The following ANKHD1 variants were observed in gnomAD, a reference collection of about 807,000 sequenced individuals.
ANKHD1 encodes the protein ankyrin repeat and KH domain containing 1.
Under a neutral mutation model 230.5 loss-of-function variants are expected in ANKHD1, and 31 were observed. The observed-to-expected ratio is 0.13, with a 90% CI of 0.10 to 0.18. The LOEUF is 0.18. Among genes scored for constraint, ANKHD1 ranks in the 10% least tolerant of loss-of-function variants. The pLI is 1.00. For missense variants in ANKHD1, 2,256 were observed against 3,071.3 expected (o/e 0.73, Z 6.27); for synonymous variants, 1,074 against 1,117.6 (o/e 0.96, Z 0.78).
chr5:140,476,807 TAAAA>T (rs1460935278), intron 10 of ANKHD1, among the ~76,000 whole-genome samples: 1 of 152,126 alleles, frequency 6.6e-6, no homozygotes, highest in African/African-American at 2.4e-5. Context: ...TGTTTGAGTT[TAAAA>T]ACCTAAATTT....
intron 9 of ANKHD1, among the ~76,000 whole-genome samples, chr5:140,462,591 G>C (rs1273999761): frequency 6.6e-6 from 1 of 151,824 alleles, no homozygotes; most frequent in Non-Finnish European, 1.5e-5. Context: ...CAGGCGTGGT[G>C]GTGGACGCCT....
chr5:140,434,733 T>C (rs189498577), intron 1 of ANKHD1, among the ~76,000 whole-genome samples: 1 of 152,234 alleles, frequency 6.6e-6, no homozygotes, highest in African/African-American at 2.4e-5. Context: ...ACAAAAACAT[T>C]GTTTTTAATG....
chr5:140,493,321 T>C lies in ANKHD1; in HGVS notation c.2246-3199T>C, dbSNP rs781526095. 2.7e-4 allele frequency among the ~76,000 whole-genome samples: 41 copies of C among 152,274 alleles called. 1 individual carries two copies. Among genetic ancestry groups the C allele is most frequent in the Admixed American group, 1.2e-3 (18 of 15,286 alleles). ...CTCAGGTGATCCACCCGTCTTGGCC[T>C]CCCAAAGTGCTGGGATTACAGGTGT... On this transcript the variant is annotated intron_variant, in intron 14 of 33. Transcript: ENST00000360839.
chr5:140,428,255 A>G (rs370920780), intron 1 of ANKHD1, among the ~76,000 whole-genome samples: 9 of 152,180 alleles, frequency 5.9e-5, no homozygotes, highest in African/African-American at 2.2e-4. Flanking sequence ...AGAGGCTGCA[A>G]TCTCGGCACT....
Position 140,446,123 on chromosome 5 carries a change from ATTT to A in ANKHD1, c.1147+150_1147+152del, listed in dbSNP as rs1774259227. On this transcript the variant is annotated intron_variant, in intron 6 of 33. Transcript: ENST00000360839. Reference sequence around the variant, plus strand: ...TTATAAGAAATTATATAGAAAGTCTATTTTAGTCTATATTGCCTGTAATATAGT... The same window carrying A: ...TTATAAGAAATTATATAGAAAGTCTATAGTCTATATTGCCTGTAATATAGT... 10 of 772,774 alleles carry A rather than the reference ATTT, an allele frequency of 1.3e-5. No individual in the cohort carries two copies. In the East Asian group the frequency reaches 2.8e-4, roughly 22 times the overall value. The allele number at this position is 772,774 out of a possible 1,614,324, so 47.9% of individuals were successfully genotyped here.
In ANKHD1 at chr5:140,529,827, T is replaced by G. The variant is rs772393153; in HGVS notation, c.6850+31T>G. On this transcript the variant is annotated intron_variant, in intron 29 of 33. Coordinates refer to ENST00000360839, the MANE Select transcript of ANKHD1 (RefSeq NM_017747.3). ...TTATTAACTATTGCTGCAGTTGAGT[T>G]TGGAGCTCCTATGGCCTAATCTCAC... 6.9e-6 allele frequency: 11 copies of G among 1,605,232 alleles called. No homozygotes were observed. The South Asian group carries it at 1.2e-4, about 18-fold the overall frequency.
chr5:140,457,419 G>A (rs1019130556), intron 7 of ANKHD1, among the ~76,000 whole-genome samples: 1 of 152,122 alleles, frequency 6.6e-6, no homozygotes, highest in African/African-American at 2.4e-5. Flanking sequence ...GTTTATTGCG[G>A]CACTATTCAC....
rs1433312087 is a variant in ANKHD1 at position 140,537,379 on chromosome 5, C to T, written c.7028-10C>T. On this transcript the variant is annotated splice_polypyrimidine_tract_variant and intron_variant, in intron 30 of 33. Transcript: ENST00000360839. Reference sequence around the variant, plus strand: ...ATCTGTTTCTTCGGGATCATCTTCACCTCTTTCAGCCACTTCTGCCCCACC... The same window carrying T: ...ATCTGTTTCTTCGGGATCATCTTCATCTCTTTCAGCCACTTCTGCCCCACC... 1.2e-6 allele frequency: 2 copies of T among 1,613,590 alleles called. No individual in the cohort carries two copies. Among genetic ancestry groups the T allele is most frequent in the Non-Finnish European group, 1.7e-6 (2 of 1,179,796 alleles).
chr5:140,497,623 A>G (rs1418776238), intron 15 of ANKHD1, among the ~76,000 whole-genome samples: 1 of 152,206 alleles, frequency 6.6e-6, no homozygotes, highest in East Asian at 1.9e-4. Context: ...TTCGTATAAG[A>G]TTATACTTAA....
rs933436729 is a variant in ANKHD1 at position 140,485,266 on chromosome 5, A to G, written c.1998+18A>G. The G allele has an allele frequency of 3.1e-6, 5 of 1,603,924 alleles. No individual in the cohort carries two copies. Among genetic ancestry groups the G allele is most frequent in the Non-Finnish European group, 4.3e-6 (5 of 1,172,480 alleles). ...GACTCAAGGTAGTCTACTTAAAAAT[A>G]AGTAAACAGGCTGTGTGCGGTGGCT... On this transcript the variant is annotated intron_variant, in intron 12 of 33. Transcript: ENST00000360839. This position sits in a 1 kb window ranked among gnomAD's most constrained non-coding sequence, Gnocchi z 4.8.
chr5:140,425,372 C>T (rs1409183195), intron 1 of ANKHD1, among the ~76,000 whole-genome samples: 1 of 151,988 alleles, frequency 6.6e-6, no homozygotes, highest in Non-Finnish European at 1.5e-5. Context: ...ATGATCCTGC[C>T]GCCTCAGCCT....
intron 24 of ANKHD1, among the ~76,000 whole-genome samples, chr5:140,519,055 AT>A (rs1249418730): frequency 6.6e-6 from 1 of 152,216 alleles, no homozygotes; most frequent in East Asian, 1.9e-4. Context: ...TCAGCCCAAA[AT>A]CTCCTTAAGC....
intron 5 of ANKHD1, 143 bp downstream of exon 5, chr5:140,441,285 C>A: frequency 8.5e-7 from 1 of 1,178,286 alleles, no homozygotes; most frequent in Non-Finnish European, 1.1e-6. Context: ...GAGTAAAATA[C>A]AAATTAATTT....
At chr5:140,503,573 T>C (rs892134889) in intron 15 of ANKHD1, among the ~76,000 whole-genome samples, 24 of 129,270 alleles carry the variant, frequency 1.9e-4, no homozygotes, top group Middle Eastern at 3.8e-3. Context: ...TTTTTTTTTT[T>C]TTTTTTTTTT....
rs187583285 is a variant in ANKHD1 at position 140,510,476 on chromosome 5, C to G, written c.4104+295C>G. ...TACAGGCATGCGTCACCACACCCGG[C>G]TAATTTTTGTATTTTTAGTAGAGAT... On this transcript the variant is annotated intron_variant, in intron 22 of 33. Transcript: ENST00000360839. 7.3e-3 allele frequency among the ~76,000 whole-genome samples: 1,104 copies of G among 151,202 alleles called. 8 individuals carry two copies. Among genetic ancestry groups the G allele is most frequent in the Non-Finnish European group, 7.9e-3 (533 of 67,706 alleles).
rs1335940395 is a variant in ANKHD1 at position 140,458,981 on chromosome 5, CAT to C, written c.1480+132_1480+133del. 1.7e-4 allele frequency: 4 copies of C among 22,946 alleles called. 1 individual carries two copies. Among genetic ancestry groups the C allele is most frequent in the East Asian group, 2.1e-3 (1 of 468 alleles). The allele number at this position is 22,946 out of a possible 1,614,324, so 1.4% of individuals were successfully genotyped here. A position where few individuals can be genotyped will look rare whatever the true frequency, so the allele number is the denominator to read the frequency against. ...ATATATATATATATATATATATATG[CAT>C]ATATATATATATGCATATATATATA... On this transcript the variant is annotated intron_variant, in intron 8 of 33. Transcript: ENST00000360839.
chr5:140,405,850 C>T (rs745715690), intron 1 of ANKHD1, among the ~76,000 whole-genome samples: 1 of 151,942 alleles, frequency 6.6e-6, no homozygotes, highest in Non-Finnish European at 1.5e-5. Flanking sequence ...CCAGGCTGGT[C>T]TCAAACTTCT....
intron 6 of ANKHD1, among the ~76,000 whole-genome samples, chr5:140,447,864 G>A (rs1297057473): frequency 6.6e-6 from 1 of 152,200 alleles, no homozygotes; most frequent in African/African-American, 2.4e-5. Flanking sequence ...CTTCCTAGGT[G>A]TGCGGCCTTA....
Position 140,496,835 on chromosome 5 carries a change from C to T in ANKHD1, c.2561C>T (p.Thr854Ile), listed in dbSNP as rs763974951. 4 of 1,613,896 alleles carry T rather than the reference C, an allele frequency of 2.5e-6. No homozygotes were observed. Among genetic ancestry groups the T allele is most frequent in the Non-Finnish European group, 3.4e-6 (4 of 1,180,010 alleles). Residue 854 changes from threonine (T) to isoleucine (I), a missense_variant, in exon 15 of 34, where the codon ACC (threonine) becomes ATC (isoleucine). By Grantham distance (89) the Thr-to-Ile change is moderately conservative (BLOSUM62 -1). Around this residue, in one of 13 missense-constraint regions of ANKHD1, gnomAD observed 358 missense variants for 397.7 expected, o/e 0.90. Transcript: ENST00000360839. ...QLQMKTQQQF[T>I]KEYLETKGQK... ...CAGATGAAAACACAGCAGCAATTTA[C>T]CAAAGAATACTTGGAAACCAAAGGT...
Sources: allele counts gnomAD v4.1 joint callset (sites outside exome capture counted in the v4.1 genomes callset), GRCh38; gene constraint gnomAD v4.1.1; regional missense constraint gnomAD v4.1.1; non-coding constraint Gnocchi (gnomAD v3.1); transcripts MANE v1.5; gene names NCBI Gene and HGNC (gene_info 2026-07-23, HGNC 2026-07-21).